The following EYS variants were observed in gnomAD, a reference collection of about 807,000 sequenced individuals.
EYS encodes EGF-like photoreceptor maintenance factor.
A neutral mutation model predicts 282.1 loss-of-function variants in EYS; 250 were observed. The observed-to-expected ratio is 0.89, with a 90% CI of 0.80 to 0.98. The LOEUF is 0.98. Among genes scored for constraint, EYS ranks in the 50% least tolerant of loss-of-function variants. EYS has a pLI of 0.00. For missense variants in EYS, 4,016 were observed against 3,709.0 expected (o/e 1.08, Z -2.15); for synonymous variants, 1,355 against 1,282.9 (o/e 1.06, Z -1.20).
chr6:64,160,258 C>A (rs1005176099), intron 31 of EYS, among the ~76,000 whole-genome samples: 1 of 152,158 alleles, frequency 6.6e-6, no homozygotes, highest in Non-Finnish European at 1.5e-5. Context: ...TTCATAAGCA[C>A]ATTTATTAGA....
intron 36 of EYS, among the ~76,000 whole-genome samples, chr6:63,809,602 T>G (rs1679776738): frequency 6.6e-6 from 1 of 152,140 alleles, no homozygotes; most frequent in Non-Finnish European, 1.5e-5. Context: ...AAATAAATTG[T>G]TTAGTGTGTA....
At chr6:64,484,256 C>T (rs1286635855) in intron 26 of EYS, among the ~76,000 whole-genome samples, 1 of 151,544 alleles carries the variant, frequency 6.6e-6, no homozygotes, top group Non-Finnish European at 1.5e-5. Flanking sequence ...ATACCTTCAC[C>T]CAATACTGGC....
intron 12 of EYS, among the ~76,000 whole-genome samples, chr6:65,235,979 G>A (rs1404602221): frequency 4.0e-5 from 6 of 151,670 alleles, no homozygotes; most frequent in African/African-American, 1.2e-4. Flanking sequence ...ATGTGATTCT[G>A]CTAATTTACA....
intron 22 of EYS, among the ~76,000 whole-genome samples, chr6:64,706,083 A>T (rs528672594): frequency 2.8e-4 from 43 of 152,272 alleles, no homozygotes; most frequent in Admixed American, 2.1e-3. Flanking sequence ...CTAAAAGGCC[A>T]TAGTCACCAA....
At chr6:65,452,879 C>A (rs79469396) in intron 5 of EYS, among the ~76,000 whole-genome samples, 8,319 of 152,006 alleles carry the variant, frequency 0.055, 631 homozygotes, top group African/African-American at 0.17. Flanking sequence ...CATTGACCAA[C>A]AAACTGTAAC....
intron 32 of EYS, among the ~76,000 whole-genome samples, chr6:64,073,906 A>G (rs1424810693): frequency 6.6e-6 from 1 of 151,794 alleles, no homozygotes; most frequent in Non-Finnish European, 1.5e-5. Context: ...AGAGTTTACC[A>G]TTAAGTCGTT....
chr6:63,764,980 T>C (rs1367291476), intron 40 of EYS, among the ~76,000 whole-genome samples: 1 of 152,008 alleles, frequency 6.6e-6, no homozygotes, highest in Non-Finnish European at 1.5e-5. Flanking sequence ...TTGGGTGATA[T>C]TTTTCTAACC....
At chr6:64,666,006 C>A (rs1769216863) in intron 22 of EYS, among the ~76,000 whole-genome samples, 1 of 152,186 alleles carries the variant, frequency 6.6e-6, no homozygotes, top group African/African-American at 2.4e-5. Flanking sequence ...CCAAATACTG[C>A]ATGCTCTCAC....
chr6:64,470,168 C>T lies in EYS; in HGVS notation c.5645-30816G>A, dbSNP rs550430776. Among the ~76,000 whole-genome samples, 3 of 152,234 alleles carry T rather than the reference C, an allele frequency of 2.0e-5. No individual in the cohort carries two copies. The East Asian group carries it at 5.8e-4, about 30-fold the overall frequency. On this transcript the variant is annotated intron_variant, in intron 26 of 42. Coordinates refer to ENST00000503581, the MANE Select transcript of EYS (RefSeq NM_001142800.2). ...CTGCGTCTTGGTGGTAGTGGTCCCC[C>T]GGGCCCAGTTGTCTTTTCTCTCTTT...
At chr6:65,678,408 A>G (rs138553387) in intron 1 of EYS, among the ~76,000 whole-genome samples, 1 of 152,178 alleles carries the variant, frequency 6.6e-6, no homozygotes, top group East Asian at 1.9e-4. Flanking sequence ...TTCAGATGCA[A>G]TAGAATAAAA....
chr6:63,887,700 G>A (rs1489142900), intron 35 of EYS, among the ~76,000 whole-genome samples: 4 of 152,184 alleles, frequency 2.6e-5, no homozygotes, highest in Admixed American at 6.5e-5. Flanking sequence ...CGTCACCAGG[G>A]CCCTAGGTTT....
At chr6:64,213,174 G>A (rs757664462) in intron 31 of EYS, among the ~76,000 whole-genome samples, 3 of 151,956 alleles carry the variant, frequency 2.0e-5, no homozygotes, top group Non-Finnish European at 2.9e-5. Context: ...CCCTCATGAC[G>A]CAAGTTTACC....
At chr6:64,561,027 T>C (rs1343295110) in intron 26 of EYS, among the ~76,000 whole-genome samples, 4 of 152,172 alleles carry the variant, frequency 2.6e-5, no homozygotes, top group Non-Finnish European at 4.4e-5. Flanking sequence ...GATGCAAGGT[T>C]GGTTCAACAT....
intron 36 of EYS, among the ~76,000 whole-genome samples, chr6:63,856,557 T>A (rs140587789): frequency 6.4e-4 from 98 of 152,304 alleles, no homozygotes; most frequent in African/African-American, 2.3e-3. Context: ...ATAACAGATG[T>A]GTAGCTCCCT....
At chr6:65,129,183 A>G (rs1462914932) in intron 12 of EYS, among the ~76,000 whole-genome samples, 1 of 152,044 alleles carries the variant, frequency 6.6e-6, no homozygotes. Context: ...GATTAAATAA[A>G]GACTTAAATG....
intron 35 of EYS, among the ~76,000 whole-genome samples, chr6:63,936,424 A>C (rs1404190919): frequency 1.3e-5 from 2 of 152,178 alleles, no homozygotes; most frequent in Non-Finnish European, 2.9e-5. Flanking sequence ...CTTTACATAT[A>C]GTGTTCTACT....
chr6:64,588,307 G>T (rs1275900851), intron 26 of EYS, among the ~76,000 whole-genome samples: 3 of 151,974 alleles, frequency 2.0e-5, no homozygotes, highest in Non-Finnish European at 4.4e-5. Context: ...ACAAATGTAG[G>T]ACTCTAATAC....
intron 11 of EYS, among the ~76,000 whole-genome samples, chr6:65,326,899 A>G (rs1024812250): frequency 3.4e-4 from 52 of 151,796 alleles, no homozygotes; most frequent in Admixed American, 5.9e-4. Context: ...ATTTGTCAGT[A>G]GACCACAAAA....
chr6:65,167,251 A>G (rs1465905924), intron 12 of EYS, among the ~76,000 whole-genome samples: 17 of 151,364 alleles, frequency 1.1e-4, no homozygotes, highest in Admixed American at 1.1e-3. Flanking sequence ...AAATGTATCA[A>G]CTGATGAATG....
Sources: gnomAD v4.1 joint callset for allele counts (sites outside exome capture counted in the v4.1 genomes callset) on GRCh38, gnomAD v4.1.1 for gene constraint, MANE v1.5 for transcripts, NCBI Gene and HGNC (gene_info 2026-07-23, HGNC 2026-07-21) for gene names.